Variants in SLC4A8 observed in about 807,000 individuals in gnomAD.
SLC4A8 encodes the protein solute carrier family 4 member 8.
A neutral mutation model predicts 125.0 loss-of-function variants in SLC4A8; 40 were observed. The ratio of observed to expected loss-of-function variants is 0.32; its 90% CI spans 0.25 to 0.42. The LOEUF is 0.42. SLC4A8 is among the 10% of genes least tolerant of loss of function. SLC4A8 has a pLI of 1.00. For synonymous variants in SLC4A8, 456 were observed against 476.0 expected, an observed-to-expected ratio of 0.96 and a Z score of 0.55; for missense variants, 863 against 1,355.1, an observed-to-expected ratio of 0.64 and a Z score of 5.70.
intron 1 of SLC4A8, among the ~76,000 whole-genome samples, chr12:51,395,085 A>G (rs1223282411): frequency 6.6e-6 from 1 of 152,208 alleles, no homozygotes; most frequent in Non-Finnish European, 1.5e-5. Context: ...TTATACGTAA[A>G]TGAAATGGAA....
At chr12:51,499,211 C>T (rs1170625885) in intron 22 of SLC4A8, among the ~76,000 whole-genome samples, 7 of 151,946 alleles carry the variant, frequency 4.6e-5, no homozygotes, top group Admixed American at 3.3e-4. Flanking sequence ...GATATGTGGA[C>T]GTGTTTCTGA....
chr12:51,462,039 G>A, intron 9 of SLC4A8: 1 of 311,734 alleles, frequency 3.2e-6, no homozygotes, highest in Non-Finnish European at 5.9e-6. Flanking sequence ...CCTTTGTGGA[G>A]ATAACATAAT....
At chr12:51,425,906 G>A (rs1165019374) in intron 1 of SLC4A8, among the ~76,000 whole-genome samples, 2 of 152,206 alleles carry the variant, frequency 1.3e-5, no homozygotes, top group African/African-American at 4.8e-5. Flanking sequence ...AGGGCTTTGT[G>A]GAGTAATGTT....
At chr12:51,415,551 A>G (rs1469677115) in intron 1 of SLC4A8, among the ~76,000 whole-genome samples, 1 of 152,020 alleles carries the variant, frequency 6.6e-6, no homozygotes, top group Non-Finnish European at 1.5e-5. Context: ...TTGCTCTGTC[A>G]CAGGCTGACA....
At chr12:51,412,438 T>C (rs1309078791) in intron 1 of SLC4A8, among the ~76,000 whole-genome samples, 1 of 152,242 alleles carries the variant, frequency 6.6e-6, no homozygotes, top group African/African-American at 2.4e-5. Context: ...TTTGGAAATA[T>C]TTCAAATCTT....
intron 2 of SLC4A8, among the ~76,000 whole-genome samples, chr12:51,449,120 C>A (rs1418080554): frequency 6.6e-6 from 1 of 152,128 alleles, no homozygotes. Flanking sequence ...AAGAGAAGAA[C>A]TTCTTCCATC....
Position 51,460,120 on chromosome 12 carries a change from G to T in SLC4A8, c.1013+12G>T. 1.2e-6 allele frequency: 2 copies of T among 1,609,554 alleles called. No individual in the cohort carries two copies. The highest frequency in any genetic ancestry group is 1.7e-6 in the Non-Finnish European group (2 of 1,175,888). On this transcript the variant is annotated intron_variant, in intron 8 of 24. Coordinates refer to ENST00000453097, the MANE Select transcript of SLC4A8 (RefSeq NM_001039960.3). Reference sequence around the variant, plus strand: ...CCAATCCCAACAAGGTAAAGGCAAAGATAAAACTCATGCATTCTATCCAAA... The same window carrying T: ...CCAATCCCAACAAGGTAAAGGCAAATATAAAACTCATGCATTCTATCCAAA...
At chr12:51,473,536 G>A (rs1267526087) in intron 14 of SLC4A8, among the ~76,000 whole-genome samples, 2 of 152,168 alleles carry the variant, frequency 1.3e-5, no homozygotes, top group Non-Finnish European at 2.9e-5. Flanking sequence ...CCTGTCGAGA[G>A]CTTTTTGAAT....
intron 1 of SLC4A8, among the ~76,000 whole-genome samples, chr12:51,416,214 T>TG (rs980457920): frequency 2.1e-5 from 3 of 144,468 alleles, no homozygotes; most frequent in African/African-American, 5.1e-5. Context: ...GTCTTTTGTT[T>TG]TTTTTTTTTT....
rs1950819039 is a variant in SLC4A8 at position 51,475,030 on chromosome 12, T to C, written c.2011-15T>C. The C allele has an allele frequency of 1.2e-6, 2 of 1,611,744 alleles. No individual in the cohort carries two copies. The highest frequency in any genetic ancestry group is 1.7e-6 in the Non-Finnish European group (2 of 1,178,654). On this transcript the variant is annotated splice_polypyrimidine_tract_variant and intron_variant, in intron 15 of 24. Coordinates refer to ENST00000453097, the MANE Select transcript of SLC4A8 (RefSeq NM_001039960.3). ...TGTGTCTGCCTTTCATCACCCAGAA[T>C]GCTTATTCCTCCAGGAATGCCAGGA...
At chr12:51,437,731 CGTG>C (rs1245301092) in intron 1 of SLC4A8, among the ~76,000 whole-genome samples, 1 of 152,000 alleles carries the variant, frequency 6.6e-6, no homozygotes, top group Non-Finnish European at 1.5e-5. Flanking sequence ...ATACAGGAGA[CGTG>C]GGGATTTAAT....
intron 1 of SLC4A8, among the ~76,000 whole-genome samples, chr12:51,414,515 C>G (rs1393794250): frequency 6.6e-6 from 1 of 152,066 alleles, no homozygotes; most frequent in Non-Finnish European, 1.5e-5. Context: ...TTTTGGGAAG[C>G]CTAGGCAGGA....
rs1379358583 is a variant in SLC4A8 at position 51,508,925 on chromosome 12, T to G, written c.*1487T>G. 1 of 152,540 alleles carries G rather than the reference T, an allele frequency of 6.6e-6. No individual in the cohort carries two copies. Among genetic ancestry groups the G allele is most frequent in the Non-Finnish European group, 1.5e-5 (1 of 68,036 alleles). The allele number at this position is 152,540 out of a possible 1,614,324, so 9.4% of individuals were successfully genotyped here. ...TATTGAATTTTGCATTCCTTAGACT[T>G]TTAAAATATACTAATGTATTCTAGT... On this transcript the variant is annotated 3_prime_UTR_variant, in exon 25 of 25. Coordinates refer to ENST00000453097, the MANE Select transcript of SLC4A8 (RefSeq NM_001039960.3).
chr12:51,429,088 T>C (rs1281219546), intron 1 of SLC4A8, among the ~76,000 whole-genome samples: 1 of 151,994 alleles, frequency 6.6e-6, no homozygotes, highest in Non-Finnish European at 1.5e-5. Flanking sequence ...TTTTTTGTAT[T>C]TTTAGTAGAG....
chr12:51,400,592 C>G (rs199622659), intron 1 of SLC4A8, among the ~76,000 whole-genome samples: 8 of 78,226 alleles, frequency 1.0e-4, no homozygotes, highest in African/African-American at 2.6e-4. Context: ...GATGGGATAC[C>G]CTAGAACACC....
rs529488329 is a variant in SLC4A8, at chr12:51,514,783, G to C, written c.*7345G>C. On this transcript the variant is annotated 3_prime_UTR_variant, in exon 25 of 25. Transcript: ENST00000453097. ...CAGTTAACATCTTTTCATCAGAAAG[G>C]AGGGTAATATTCATAACCAAAAGAG... 1 of 152,182 alleles carries C rather than the reference G, an allele frequency of 6.6e-6. No individual in the cohort carries two copies. The highest frequency in any genetic ancestry group is 6.5e-5 in the Admixed American group (1 of 15,274). 9.4% of individuals were successfully genotyped at this position (152,182 alleles called of 1,614,324 possible). A position where few individuals can be genotyped will look rare whatever the true frequency, so the allele number is the denominator to read the frequency against.
intron 19 of SLC4A8, among the ~76,000 whole-genome samples, chr12:51,490,423 G>A (rs894834970): frequency 2.0e-5 from 3 of 152,142 alleles, no homozygotes; most frequent in African/African-American, 7.2e-5. Flanking sequence ...GCCGGGTGTG[G>A]TGGCAGGTGC....
intron 1 of SLC4A8, among the ~76,000 whole-genome samples, chr12:51,433,880 G>GTTTTT (rs1565772475): frequency 4.2e-5 from 3 of 71,706 alleles, no homozygotes; most frequent in Non-Finnish European, 8.5e-5. Flanking sequence ...TTTTTTTTTG[G>GTTTTT]TTGGTTTTTT....
chr12:51,465,927 A>G (rs1950500149), intron 11 of SLC4A8, among the ~76,000 whole-genome samples: 1 of 152,194 alleles, frequency 6.6e-6, no homozygotes, highest in African/African-American at 2.4e-5. Flanking sequence ...AAACCACATT[A>G]GTCTGGGTTT....
Sources: allele counts gnomAD v4.1 joint callset (sites outside exome capture counted in the v4.1 genomes callset), GRCh38; gene constraint gnomAD v4.1.1; transcripts MANE v1.5; gene names NCBI Gene and HGNC (gene_info 2026-07-23, HGNC 2026-07-21).